Variants in STX8 observed in about 807,000 individuals in gnomAD.
STX8 encodes the protein syntaxin 8.
STX8 carries 23 observed loss-of-function variants against 37.5 expected under a neutral mutation model. That is an observed-to-expected ratio of 0.61 (90% CI 0.44 to 0.87). STX8 has a LOEUF of 0.87. Ranked by LOEUF, STX8 falls within the 40% of genes least tolerant of loss-of-function variation. The pLI, the probability that STX8 is intolerant of heterozygous loss-of-function variation, is 0.00. For missense variants in STX8, 313 were observed against 284.7 expected (o/e 1.10, Z -0.71); for synonymous variants, 115 against 99.1 (o/e 1.16, Z -0.95).
chr17:9,568,969 CACTT>C (rs1907572874), intron 1 of STX8, among the ~76,000 whole-genome samples: 1 of 152,190 alleles, frequency 6.6e-6, no homozygotes, highest in African/African-American at 2.4e-5. Context: ...AGTAATAACT[CACTT>C]AATCAAAACA....
At chr17:9,511,340 T>C (rs2142508855) in intron 4 of STX8, among the ~76,000 whole-genome samples, 1 of 152,070 alleles carries the variant, frequency 6.6e-6, no homozygotes, top group Non-Finnish European at 1.5e-5. Flanking sequence ...CCCTGATAAA[T>C]ATACACACAA....
chr17:9,261,012 G>A (rs919080987), intron 7 of STX8, among the ~76,000 whole-genome samples: 4 of 152,238 alleles, frequency 2.6e-5, no homozygotes, highest in African/African-American at 9.6e-5. Context: ...GAAGGGGTGG[G>A]GGTTGGGATG....
At chr17:9,258,140 A>AT (rs1406043945) in intron 7 of STX8, among the ~76,000 whole-genome samples, 1 of 152,124 alleles carries the variant, frequency 6.6e-6, no homozygotes, top group Non-Finnish European at 1.5e-5. Context: ...AGTTTGTTTT[A>AT]TTTTTTTGGC....
At chr17:9,380,006 TTC>T (rs1033049702) in intron 6 of STX8, among the ~76,000 whole-genome samples, 2 of 151,970 alleles carry the variant, frequency 1.3e-5, no homozygotes, top group Non-Finnish European at 2.9e-5. Flanking sequence ...TGAAATTCAT[TTC>T]TTTTTTAATT....
intron 7 of STX8, among the ~76,000 whole-genome samples, chr17:9,271,652 A>G (rs1907466591): frequency 6.7e-6 from 1 of 150,368 alleles, no homozygotes; most frequent in Admixed American, 6.7e-5. Context: ...CGGGAGGCTG[A>G]GGCAGGAGAA....
At chr17:9,310,154 A>C (rs866785366) in intron 7 of STX8, among the ~76,000 whole-genome samples, 1 of 151,844 alleles carries the variant, frequency 6.6e-6, no homozygotes, top group Non-Finnish European at 1.5e-5. Context: ...GGGGGAAAAA[A>C]AACAACATAC....
intron 7 of STX8, among the ~76,000 whole-genome samples, chr17:9,322,923 C>T (rs1464573347): frequency 6.9e-6 from 1 of 145,428 alleles, no homozygotes; most frequent in Admixed American, 6.8e-5. Context: ...CACAAACACA[C>T]ACACTGGAAG....
chr17:9,266,054 G>A (rs1038326341), intron 7 of STX8, among the ~76,000 whole-genome samples: 12 of 152,014 alleles, frequency 7.9e-5, no homozygotes, highest in African/African-American at 1.4e-4. Flanking sequence ...GAAACATTGC[G>A]GGTAAGACTA....
intron 7 of STX8, among the ~76,000 whole-genome samples, chr17:9,332,267 G>A (rs1005816946): frequency 6.6e-5 from 10 of 152,186 alleles, no homozygotes; most frequent in African/African-American, 2.2e-4. Context: ...AAATTGGAAC[G>A]AGGGTTGAGT....
chr17:9,413,410 G>A (rs1913046153), intron 6 of STX8, among the ~76,000 whole-genome samples: 1 of 152,190 alleles, frequency 6.6e-6, no homozygotes, highest in African/African-American at 2.4e-5. Flanking sequence ...ATGGAGCTGT[G>A]ATTCTTGGGA....
At chr17:9,548,657 T>C (rs1049642577) in intron 3 of STX8, 36 of 152,168 alleles carry the variant, frequency 2.4e-4, no homozygotes, top group African/African-American at 8.0e-4. Flanking sequence ...ATAGGAAAGC[T>C]GTTTAGGGGG....
intron 6 of STX8, among the ~76,000 whole-genome samples, chr17:9,453,510 T>C (rs1905104573): frequency 1.6e-5 from 2 of 124,456 alleles, no homozygotes; most frequent in African/African-American, 6.6e-5. Flanking sequence ...TTTTTTTTTT[T>C]GAGATGGGGT....
At chr17:9,347,107 C>A (rs192185060) in intron 7 of STX8, among the ~76,000 whole-genome samples, 1 of 147,668 alleles carries the variant, frequency 6.8e-6, no homozygotes, top group East Asian at 2.0e-4. Flanking sequence ...ACAGCCTGGG[C>A]AACAAGAGAG....
chr17:9,563,214 T>C (rs8064559), intron 2 of STX8, among the ~76,000 whole-genome samples: 114,213 of 150,508 alleles, frequency 0.76, 44,380 homozygotes, highest in East Asian at 0.98. Flanking sequence ...CAGAGTTTCA[T>C]TCTTGTCACC....
At chr17:9,383,376 T>A (rs1018096686) in intron 6 of STX8, among the ~76,000 whole-genome samples, 1 of 152,228 alleles carries the variant, frequency 6.6e-6, no homozygotes, top group African/African-American at 2.4e-5. Flanking sequence ...GCTAATAGTA[T>A]GATCATCTCA....
intron 6 of STX8, chr17:9,452,117 T>G (rs1440669179): frequency 6.6e-6 from 1 of 152,196 alleles, no homozygotes; most frequent in Non-Finnish European, 1.5e-5. Context: ...CTCTAGTTAC[T>G]TAGTAACTAT....
At chr17:9,528,260 G>A (rs1364294286) in intron 4 of STX8, among the ~76,000 whole-genome samples, 1 of 152,186 alleles carries the variant, frequency 6.6e-6, no homozygotes, top group Non-Finnish European at 1.5e-5. Context: ...TGGAGGGGCA[G>A]AAAGGGAGAG....
intron 4 of STX8, among the ~76,000 whole-genome samples, chr17:9,532,645 AAC>A (rs1310892471): frequency 1.3e-5 from 2 of 152,220 alleles, no homozygotes; most frequent in Non-Finnish European, 2.9e-5. Flanking sequence ...ATATTTAAAA[AAC>A]ATTCTTCAAA....
At chr17:9,422,814 A>G (rs1191929466) in intron 6 of STX8, among the ~76,000 whole-genome samples, 5 of 152,220 alleles carry the variant, frequency 3.3e-5, no homozygotes, top group Non-Finnish European at 7.3e-5. Context: ...AGTTTATACC[A>G]TCTACCTTCA....
Sources: allele counts gnomAD v4.1 joint callset (sites outside exome capture counted in the v4.1 genomes callset), GRCh38; gene constraint gnomAD v4.1.1; transcripts MANE v1.5; gene names NCBI Gene and HGNC (gene_info 2026-07-23, HGNC 2026-07-21).